The following SUCLG2 variants were observed in gnomAD, a reference collection of about 807,000 sequenced individuals.
The protein encoded by SUCLG2 is succinate--CoA ligase [GDP-forming] subunit beta, mitochondrial.
SUCLG2 carries 42 observed loss-of-function variants against 47.9 expected under a neutral mutation model. The ratio of observed to expected loss-of-function variants is 0.88; its 90% CI spans 0.69 to 1.14. The LOEUF is 1.14. Among genes scored for constraint, SUCLG2 ranks in the 50% most tolerant of loss-of-function variants. The pLI is 0.00. For synonymous variants in SUCLG2, 195 were observed against 197.3 expected (o/e 0.99, Z 0.10); for missense variants, 571 against 525.9 (o/e 1.09, Z -0.84).
Position 67,608,990 on chromosome 3 carries a change from T to C in SUCLG2, c.226+465A>G, listed in dbSNP as rs184850038. Among the ~76,000 whole-genome samples, 104 of 152,342 alleles carry C rather than the reference T, an allele frequency of 6.8e-4. 1 individual carries two copies. The highest frequency in any genetic ancestry group is 3.1e-3 in the Admixed American group (48 of 15,308). The stretch of plus-strand genomic sequence containing the variant: ...CCCCACTGAGCCTGTTCTAAGGTTT[T>C]TGACACTTAGGCCAAGTGCCTCCAG... On this transcript the variant is annotated intron_variant, in intron 2 of 10. Transcript: ENST00000307227.
At chr3:67,374,571 A>C (rs939966908), downstream of SUCLG2, 1 of 182,634 alleles carries the variant, frequency 5.5e-6, no homozygotes, top group Non-Finnish European at 1.0e-5. Flanking sequence ...TGGGTATCTG[A>C]TAAAGTTGAG....
intron 10 of SUCLG2, among the ~76,000 whole-genome samples, chr3:67,365,857 T>C (rs1026490486): frequency 1.3e-5 from 2 of 152,164 alleles, no homozygotes; most frequent in Admixed American, 6.5e-5. Flanking sequence ...ACGAAATATA[T>C]TAAATTTGTA....
rs899056701 is a variant in SUCLG2 at position 67,520,537 on chromosome 3, T to C, written c.515A>G (p.Gln172Arg). ...CACCTCTTCAATGTCGACGCCCCCC[T>C]GGGGGCTGCCCACCAGCACGGGGCC... is the stretch of plus-strand genomic sequence containing the variant. ...CNGPVLVGSP[Q>R]GGVDIEEVAA... The change falls in exon 5 of 11, where the codon CAG (glutamine) becomes CGG (arginine). Residue 172 changes from glutamine (Q) to arginine (R), a missense_variant. Gln to Arg is a conservative substitution (Grantham distance 43). Coordinates refer to ENST00000307227, the MANE Select transcript of SUCLG2 (RefSeq NM_003848.4). 1 of 1,614,172 alleles carries C rather than the reference T, an allele frequency of 6.2e-7. No individual in the cohort carries two copies.
intron 9 of SUCLG2, among the ~76,000 whole-genome samples, chr3:67,422,132 C>A (rs1703173309): frequency 6.6e-6 from 1 of 151,956 alleles, no homozygotes; most frequent in African/African-American, 2.4e-5. Context: ...TTTTCTTTCA[C>A]CCTAAATAGC....
chr3:67,496,240 G>A (rs556678931), intron 8 of SUCLG2, among the ~76,000 whole-genome samples: 4 of 152,182 alleles, frequency 2.6e-5, no homozygotes, highest in Admixed American at 1.3e-4. Context: ...ACCGATTTGG[G>A]CCAGTAGTAA....
At chr3:67,492,890 G>A in intron 9 of SUCLG2, among the ~76,000 whole-genome samples, 1 of 152,110 alleles carries the variant, frequency 6.6e-6, no homozygotes, top group East Asian at 1.9e-4. Context: ...CATCATGAGT[G>A]GAAATATATG....
At chr3:67,635,957 G>T (rs1473425332) in intron 1 of SUCLG2, among the ~76,000 whole-genome samples, 2 of 152,154 alleles carry the variant, frequency 1.3e-5, no homozygotes, top group African/African-American at 4.8e-5. Flanking sequence ...GCTATGCAAA[G>T]CCCAGTCTGT....
In SUCLG2 at chr3:67,607,916, G is replaced by A. The variant is rs145346654; in HGVS notation, c.226+1539C>T. Among the ~76,000 whole-genome samples the A allele has an allele frequency of 4.3e-3, 651 of 152,186 alleles. 8 individuals are homozygous for A. Among genetic ancestry groups the A allele is most frequent in the African/African-American group, 0.015 (617 of 41,530 alleles). On this transcript the variant is annotated intron_variant, in intron 2 of 10. Transcript: ENST00000307227. The stretch of plus-strand genomic sequence containing the variant: ...GATTGTGAGGTCTCCCCAGCCATGC[G>A]GAACTGTGAGTCCACTAAATCTCTT...
At chr3:67,423,098 G>T (rs1054940522) in intron 9 of SUCLG2, among the ~76,000 whole-genome samples, 4 of 152,176 alleles carry the variant, frequency 2.6e-5, no homozygotes, top group African/African-American at 9.7e-5. Flanking sequence ...ATCTCACCTT[G>T]CACTGTAATA....
intron 3 of SUCLG2, among the ~76,000 whole-genome samples, chr3:67,528,625 C>T (rs1344516745): frequency 6.6e-6 from 1 of 151,996 alleles, no homozygotes; most frequent in African/African-American, 2.4e-5. Context: ...AGGTGTGTGA[C>T]AGGAACAGGG....
At chr3:67,537,405 T>C (rs947048401) in intron 2 of SUCLG2, among the ~76,000 whole-genome samples, 7 of 152,202 alleles carry the variant, frequency 4.6e-5, no homozygotes, top group Non-Finnish European at 8.8e-5. Flanking sequence ...GAACTCATCC[T>C]TTTTTATGGC....
chr3:67,479,192 C>T (rs1704845009), intron 9 of SUCLG2, among the ~76,000 whole-genome samples: 1 of 151,666 alleles, frequency 6.6e-6, no homozygotes, highest in Admixed American at 6.6e-5. Flanking sequence ...TGGTAGTTGA[C>T]ATAAAGACTA....
intron 9 of SUCLG2, among the ~76,000 whole-genome samples, chr3:67,457,448 G>A (rs1199481764): frequency 6.6e-6 from 1 of 152,084 alleles, no homozygotes; most frequent in Non-Finnish European, 1.5e-5. Context: ...TAGAAGTACA[G>A]AATCTCTGTC....
downstream of SUCLG2, among the ~76,000 whole-genome samples, chr3:67,369,822 C>A (rs917019565): frequency 2.0e-4 from 31 of 152,142 alleles, no homozygotes; most frequent in African/African-American, 6.8e-4. Context: ...TTCACCTGTT[C>A]CTACCCAGAA....
intron 10 of SUCLG2, chr3:67,360,858 A>T (rs1701793841): frequency 9.6e-7 from 1 of 1,039,084 alleles, no homozygotes; most frequent in Admixed American, 3.1e-5. Flanking sequence ...AGATCCTGTT[A>T]CTCCTATTCC....
intron 9 of SUCLG2, among the ~76,000 whole-genome samples, chr3:67,405,360 C>T (rs1337155705): frequency 2.6e-5 from 4 of 152,194 alleles, no homozygotes; most frequent in African/African-American, 9.7e-5. Flanking sequence ...ACAGCCCTTG[C>T]TATTTATCAA....
At chr3:67,398,856 T>C (rs1702614278) in intron 10 of SUCLG2, among the ~76,000 whole-genome samples, 1 of 151,914 alleles carries the variant, frequency 6.6e-6, no homozygotes, top group Non-Finnish European at 1.5e-5. Flanking sequence ...AAATGATGAG[T>C]TCATGTCCTT....
At position 67,502,637 on chromosome 3, in the gene SUCLG2, G is replaced by C. The variant is rs544131294; in HGVS notation, c.758-4342C>G. Reference sequence around the variant, plus strand: ...TATGCACATGCTTTTTTATACTTAAGAGCTTCCCATTATTGTAGCCCAGGC... The same window carrying C: ...TATGCACATGCTTTTTTATACTTAACAGCTTCCCATTATTGTAGCCCAGGC... On this transcript the variant is annotated intron_variant, in intron 7 of 10. Coordinates refer to ENST00000307227, the MANE Select transcript of SUCLG2 (RefSeq NM_003848.4). Among the ~76,000 whole-genome samples the C allele has an allele frequency of 3.3e-5, 5 of 152,254 alleles. No homozygotes were observed. In the South Asian group the frequency reaches 1.0e-3, roughly 32 times the overall value.
chr3:67,370,085 A>AT (rs1386188596), downstream of SUCLG2, among the ~76,000 whole-genome samples: 9 of 152,296 alleles, frequency 5.9e-5, no homozygotes, highest in South Asian at 6.2e-4. Context: ...TATTTTACAA[A>AT]TTTTTTTGAA....
Sources: allele counts gnomAD v4.1 joint callset (sites outside exome capture counted in the v4.1 genomes callset), GRCh38; gene constraint gnomAD v4.1.1; transcripts MANE v1.5; gene names NCBI Gene and HGNC (gene_info 2026-07-23, HGNC 2026-07-21).